Variants in NLRP5 observed in about 807,000 individuals in gnomAD.
NLRP5 encodes the protein NACHT, LRR and PYD domains-containing protein 5.
NLRP5 carries 93 observed loss-of-function variants against 113.1 expected under a neutral mutation model. The observed-to-expected ratio is 0.82, with a 90% CI of 0.70 to 0.98. NLRP5 has a LOEUF of 0.98. Ranked by LOEUF, NLRP5 falls within the 50% of genes least tolerant of loss-of-function variation. The pLI is 0.00. For synonymous variants in NLRP5, 751 were observed against 600.7 expected (o/e 1.25, Z -3.66); for missense variants, 1,808 against 1,514.3 (o/e 1.19, Z -3.22).
intron 13 of NLRP5, among the ~76,000 whole-genome samples, chr19:56,054,769 T>A (rs1434942396): frequency 1.3e-5 from 2 of 151,990 alleles, no homozygotes; most frequent in African/African-American, 4.8e-5. Context: ...GGGGGGCAGC[T>A]GAATTGGTAT....
chr19:56,054,052 T>C (rs1984036075), intron 13 of NLRP5, among the ~76,000 whole-genome samples: 1 of 152,130 alleles, frequency 6.6e-6, no homozygotes, highest in African/African-American at 2.4e-5. Flanking sequence ...CAACTGCCGA[T>C]TGAACGACCC....
intron 14 of NLRP5, among the ~76,000 whole-genome samples, chr19:56,060,269 G>A (rs955650106): frequency 2.0e-5 from 3 of 151,972 alleles, no homozygotes; most frequent in African/African-American, 4.8e-5. Flanking sequence ...AAATGGGGGC[G>A]GTGCTATGTA....
chr19:56,030,714 C>T (rs12972783), intron 7 of NLRP5, among the ~76,000 whole-genome samples: 26,264 of 72,468 alleles, frequency 0.36, 4,998 homozygotes, highest in Middle Eastern at 0.44. Context: ...CTTTCTTCTT[C>T]TTTTTTTTTT....
upstream of NLRP5, among the ~76,000 whole-genome samples, chr19:55,995,941 TA>T (rs1341742225): frequency 2.6e-5 from 4 of 152,184 alleles, no homozygotes; most frequent in Non-Finnish European, 4.4e-5. Flanking sequence ...ATTTATTATA[TA>T]AAAACTTGCA....
In NLRP5 at chr19:56,043,542, C is replaced by CTTTTTTTTTTTTTTTTTTTTTT. The variant is rs369622191; in HGVS notation, c.2957+2470_2957+2491dup. Among the ~76,000 whole-genome samples, 3 of 92,964 alleles carry CTTTTTTTTTTTTTTTTTTTTTT rather than the reference C, an allele frequency of 3.2e-5. 1 individual carries two copies. Among genetic ancestry groups the CTTTTTTTTTTTTTTTTTTTTTT allele is most frequent in the African/African-American group, 1.1e-4 (2 of 18,838 alleles). The allele number at this position is 92,964 out of a possible 152,430, so 61.0% of individuals were successfully genotyped here. On this transcript the variant is annotated intron_variant, in intron 11 of 14. Transcript: ENST00000390649. ...TGGATTGTCTGTTTACTCTGCTATT[C>CTTTTTTTTTTTTTTTTTTTTTT]TTTTTTTTTTTTTTTTTTTTTTTTT...
chr19:56,050,447 G>C lies in NLRP5; in HGVS notation c.2987G>C (p.Gly996Ala). 1 of 1,613,832 alleles carries C rather than the reference G, an allele frequency of 6.2e-7. No individual in the cohort carries two copies. Among genetic ancestry groups the C allele is most frequent in the Non-Finnish European group, 8.5e-7 (1 of 1,179,872 alleles). The change falls in exon 12 of 15, where the codon GGC becomes GCC. Residue 996 changes from glycine (G) to alanine (A), a missense_variant. Transcript: ENST00000390649. ...AATCAGTGCCACCTGGACACGGCTGGCTGTGGTTTTCTTGCACTTGCGCTT... is the reference window on the plus strand; with the variant it reads ...AATCAGTGCCACCTGGACACGGCTGCCTGTGGTTTTCTTGCACTTGCGCTT...
chr19:56,051,945 C>A (rs1268166474), intron 12 of NLRP5, among the ~76,000 whole-genome samples: 1 of 152,150 alleles, frequency 6.6e-6, no homozygotes, highest in East Asian at 1.9e-4. Flanking sequence ...CTTCTGAGTG[C>A]CCCCAAGTAT....
At chr19:56,060,362 A>G (rs403404) in intron 14 of NLRP5, among the ~76,000 whole-genome samples, 98,305 of 152,052 alleles carry the variant, frequency 0.65, 32,357 homozygotes, top group African/African-American at 0.78. Context: ...TCCCTATATG[A>G]GAAGTCCTCA....
Position 56,024,534 on chromosome 19 carries a change from T to C in NLRP5, c.680-2379T>C, listed in dbSNP as rs1040754563. 3.1e-5 allele frequency among the ~76,000 whole-genome samples: 4 copies of C among 129,998 alleles called. 1 individual carries two copies. The East Asian group carries it at 1.0e-3, about 32-fold the overall frequency. 85.3% of individuals were successfully genotyped at this position (129,998 alleles called of 152,430 possible). ...ATATGTGTATGTATATGTATACATA[T>C]GTATATGTATGTATATGTGTATATA... is the stretch of plus-strand genomic sequence containing the variant. On this transcript the variant is annotated intron_variant, in intron 6 of 14. Coordinates refer to ENST00000390649, the MANE Select transcript of NLRP5 (RefSeq NM_153447.4).
Position 56,051,566 on chromosome 19 carries a change from C to T in NLRP5, c.3128+978C>T, listed in dbSNP as rs568283003. ...TTCTATATCTAATCTCATGTAGTCT[C>T]ACCACCCCCCCATCATATCCAGTGG... On this transcript the variant is annotated intron_variant, in intron 12 of 14. Transcript: ENST00000390649. Among the ~76,000 whole-genome samples the T allele has an allele frequency of 5.8e-5, 6 of 102,636 alleles. No individual in the cohort carries two copies. The South Asian group carries it at 9.2e-4, about 16-fold the overall frequency. 67.3% of individuals were successfully genotyped at this position (102,636 alleles called of 152,430 possible).
Position 56,050,437 on chromosome 19 carries a change from G to C in NLRP5, c.2977G>C (p.Asp993His). Residue 993 changes from aspartate (D) to histidine (H), a missense_variant, in exon 12 of 15, where the codon GAC (aspartate) becomes CAC (histidine). Asp to His is a moderately conservative substitution (Grantham distance 81). Coordinates refer to ENST00000390649, the MANE Select transcript of NLRP5 (RefSeq NM_153447.4). Reference sequence around the variant, plus strand: ...CCACAGGCTGAATCAGTGCCACCTGGACACGGCTGGCTGTGGTTTTCTTGC... The same window carrying C: ...CCACAGGCTGAATCAGTGCCACCTGCACACGGCTGGCTGTGGTTTTCTTGC... The C allele has an allele frequency of 6.2e-7, 1 of 1,613,724 alleles. No homozygotes were observed. The highest frequency in any genetic ancestry group is 8.5e-7 in the Non-Finnish European group (1 of 1,179,866).
rs1555764914 is a variant in NLRP5 at position 56,010,742 on chromosome 19, C to CCAAAAAAAAAAAAAAAAAAAAAAAAAAAA, written c.508+1889_508+1890insCAAAAAAAAAAAAAAAAAAAAAAAAAAAA. Among the ~76,000 whole-genome samples the CCAAAAAAAAAAAAAAAAAAAAAAAAAAAA allele has an allele frequency of 1.9e-4, 8 of 41,274 alleles. 1 individual carries two copies. The highest frequency in any genetic ancestry group is 7.3e-4 in the African/African-American group (7 of 9,606). 27.1% of individuals were successfully genotyped at this position (41,274 alleles called of 152,430 possible). A position where few individuals can be genotyped will look rare whatever the true frequency, so the allele number is the denominator to read the frequency against. On this transcript the variant is annotated intron_variant, in intron 3 of 14. Coordinates refer to ENST00000390649, the MANE Select transcript of NLRP5 (RefSeq NM_153447.4). ...GGGAAACAAGAGCTTAACTCTGTCT[C>CCAAAAAAAAAAAAAAAAAAAAAAAAAAAA]AAAAAAAAAAAAAGTCCCTTGAAAC...
chr19:55,997,609 A>G (rs968567598), upstream of NLRP5, among the ~76,000 whole-genome samples: 20 of 152,160 alleles, frequency 1.3e-4, no homozygotes, highest in African/African-American at 4.6e-4. Flanking sequence ...AGGTGGACAG[A>G]TTACTTGAGG....
At chr19:55,990,072 CTTTTTTCTTTT>C in the NLRP5 span, among the ~76,000 whole-genome samples, 1 of 76,482 alleles carries the variant, frequency 1.3e-5, no homozygotes, top group African/African-American at 4.9e-5. Context: ...TCTTTTTTTT[CTTTTTTCTTTT>C]TTTTTTTTTT....
chr19:56,052,781 C>G (rs906757112), intron 12 of NLRP5, among the ~76,000 whole-genome samples: 1 of 152,240 alleles, frequency 6.6e-6, no homozygotes, highest in Non-Finnish European at 1.5e-5. Context: ...AAAACTTCCC[C>G]TTTTGGATTC....
chr19:56,015,523 G>A (rs1167404758), intron 3 of NLRP5, among the ~76,000 whole-genome samples: 1 of 152,168 alleles, frequency 6.6e-6, no homozygotes, highest in African/African-American at 2.4e-5. Context: ...TTTACTGCCA[G>A]TGTATAGAAA....
At chr19:56,020,250 C>A in intron 5 of NLRP5, 125 bp from the exon 6 acceptor site, 1 of 1,094,476 alleles carries the variant, frequency 9.1e-7, no homozygotes, top group Admixed American at 2.1e-5. Flanking sequence ...CTAGTTGAGC[C>A]GGTGGTTGTC....
chr19:56,055,627 G>C (rs866187915), intron 13 of NLRP5, among the ~76,000 whole-genome samples: 1 of 132,674 alleles, frequency 7.5e-6, no homozygotes, highest in Admixed American at 8.8e-5. Flanking sequence ...CTCACTGCAA[G>C]CTCCGCCTCC....
At chr19:56,007,892 C>T (rs62123584) in intron 2 of NLRP5, among the ~76,000 whole-genome samples, 9,782 of 106,282 alleles carry the variant, frequency 0.092, 761 homozygotes, top group African/African-American at 0.14. Flanking sequence ...TGTGTGTGCG[C>T]GTGCGCGCGT....
Sources: allele counts gnomAD v4.1 joint callset (sites outside exome capture counted in the v4.1 genomes callset), GRCh38; gene constraint gnomAD v4.1.1; transcripts MANE v1.5; gene names NCBI Gene and HGNC (gene_info 2026-07-23, HGNC 2026-07-21).